ZNF484: variants seen among roughly 807,000 people sequenced by gnomAD.
The protein encoded by ZNF484 is zinc finger protein 484.
ZNF484 carries 11 observed loss-of-function variants against 12.9 expected under a neutral mutation model. The ratio of observed to expected loss-of-function variants is 0.85; its 90% CI spans 0.54 to 1.41. The LOEUF (loss-of-function observed/expected upper bound fraction) is 1.41. ZNF484 is among the 40% of genes most tolerant of loss of function. The pLI is 0.00. For missense variants in ZNF484, 807 were observed against 1,007.7 expected (o/e 0.80, Z 2.70); for synonymous variants, 289 against 334.1 (o/e 0.86, Z 1.47).
At chr9:92,870,395 T>C (rs1857360017) in intron 2 of ZNF484, among the ~76,000 whole-genome samples, 1 of 152,184 alleles carries the variant, frequency 6.6e-6, no homozygotes, top group African/African-American at 2.4e-5. Context: ...CCACAGATTA[T>C]AAAACAACAA....
At chr9:92,865,169 G>T (rs1310778821) in intron 2 of ZNF484, among the ~76,000 whole-genome samples, 1 of 152,252 alleles carries the variant, frequency 6.6e-6, no homozygotes, top group East Asian at 1.9e-4. Flanking sequence ...GCTGGGTGCA[G>T]TGGCACATGC....
intron 1 of ZNF484, 62 bp from the exon 2 acceptor site, chr9:92,875,121 G>A (rs1857717481): frequency 2.0e-6 from 3 of 1,467,010 alleles, no homozygotes; most frequent in Admixed American, 1.9e-5. Flanking sequence ...GTCACACATG[G>A]ACACATACAT....
intron 2 of ZNF484, among the ~76,000 whole-genome samples, chr9:92,873,664 T>C (rs1315842436): frequency 6.6e-6 from 1 of 152,214 alleles, no homozygotes; most frequent in Non-Finnish European, 1.5e-5. Context: ...CTTCCCAGTT[T>C]ATTGTGTGAG....
At chr9:92,852,676 A>T (rs1856177482) in intron 4 of ZNF484, among the ~76,000 whole-genome samples, 1 of 151,542 alleles carries the variant, frequency 6.6e-6, no homozygotes, top group African/African-American at 2.4e-5. Context: ...AGCTGGGATT[A>T]CAGGCCCCTG....
chr9:92,862,750 T>C (rs763141955), intron 2 of ZNF484, among the ~76,000 whole-genome samples: 1 of 152,280 alleles, frequency 6.6e-6, no homozygotes, highest in South Asian at 2.1e-4. Flanking sequence ...ATTAGATTTA[T>C]GTTTACAACT....
chr9:92,877,782 T>C (rs1342323326), intron 1 of ZNF484, 108 bp downstream of exon 1: 2 of 1,535,486 alleles, frequency 1.3e-6, no homozygotes, highest in Admixed American at 2.0e-5. Context: ...TCGCTCCGAC[T>C]TCCACTATTC....
At chr9:92,865,401 T>C (rs552244088) in intron 2 of ZNF484, among the ~76,000 whole-genome samples, 45 of 152,322 alleles carry the variant, frequency 3.0e-4, no homozygotes, top group African/African-American at 1.1e-3. Flanking sequence ...AATGAAATTC[T>C]GAAAAACTGT....
intron 2 of ZNF484, among the ~76,000 whole-genome samples, chr9:92,864,815 A>G (rs748080890): frequency 3.3e-5 from 5 of 152,228 alleles, no homozygotes; most frequent in Non-Finnish European, 7.3e-5. Context: ...AGAGATTTTA[A>G]CCAGATTACA....
rs180852406 is a variant in ZNF484, at chr9:92,847,205, C to T, written c.1582G>A (p.Asp528Asn). 7.6e-5 allele frequency: 122 copies of T among 1,613,940 alleles called. No individual in the cohort carries two copies. Among genetic ancestry groups the T allele is most frequent in the East Asian group, 1.8e-4 (8 of 44,872 alleles). ...HTGEKPYKCS[D>N]CGKSFTWKSR... ...TTCCAGGTGAATGATTTTCCACAGT[C>T]GCTGCATTTATAAGGTTTCTCTCCA... Residue 528 changes from aspartate to asparagine, a missense_variant, in exon 5 of 5, where the codon GAC becomes AAC. Asp to Asn is a conservative substitution (Grantham distance 23, BLOSUM62 1). Transcript: ENST00000375495.
rs1386703900 is a variant in ZNF484, at chr9:92,844,778, A to T, written c.*1450T>A. 6.6e-6 allele frequency among the ~76,000 whole-genome samples: 1 copy of T among 152,218 alleles called. No homozygotes were observed. Among genetic ancestry groups the T allele is most frequent in the African/African-American group, 2.4e-5 (1 of 41,456 alleles). ...AATTTGTCACCACCAAACTCACAGT[A>T]AAAGAAATACTAAAGGGTGTTCCTC... On this transcript the variant is annotated 3_prime_UTR_variant, in exon 5 of 5. Coordinates refer to ENST00000375495, the MANE Select transcript of ZNF484 (RefSeq NM_031486.4).
rs1293243938 is a variant in ZNF484, at chr9:92,846,529, C to T, written c.2258G>A (p.Cys753Tyr). 2 of 1,614,042 alleles carry T rather than the reference C, an allele frequency of 1.2e-6. No individual in the cohort carries two copies. The highest frequency in any genetic ancestry group is 1.7e-6 in the Non-Finnish European group (2 of 1,180,002). ...TGATTTCTTAATGAAAGACTTGCCA[C>T]AGTCACTGCATTCATAGGGTTTCTC... ...TGEKPYECSD[C>Y]GKSFIKKSQL... Residue 753 changes from cysteine (C) to tyrosine (Y), a missense_variant, in exon 5 of 5, where the codon TGT becomes TAT. Transcript: ENST00000375495.
intron 2 of ZNF484, chr9:92,862,140 C>T (rs1449099761): frequency 3.1e-6 from 3 of 973,114 alleles, no homozygotes; most frequent in Admixed American, 1.2e-4. Context: ...GAGGAATTAC[C>T]TGCCATTGGT....
chr9:92,858,681 G>A (rs1856606438), intron 2 of ZNF484, among the ~76,000 whole-genome samples: 3 of 152,006 alleles, frequency 2.0e-5, no homozygotes, highest in Non-Finnish European at 1.5e-5. Context: ...CATTATTAAG[G>A]AGATAAAATA....
intron 2 of ZNF484, among the ~76,000 whole-genome samples, chr9:92,874,132 G>A (rs375200190): frequency 6.6e-6 from 1 of 152,162 alleles, no homozygotes; most frequent in Admixed American, 6.5e-5. Context: ...GTTTCAGAAG[G>A]TGGTCCTTGG....
At chr9:92,874,316 T>C (rs1857651954) in intron 2 of ZNF484, among the ~76,000 whole-genome samples, 1 of 146,992 alleles carries the variant, frequency 6.8e-6, no homozygotes, top group Non-Finnish European at 1.5e-5. Context: ...CTTTCTTTTT[T>C]TTTTTTTTTT....
chr9:92,876,534 A>G (rs1196219332), intron 1 of ZNF484, among the ~76,000 whole-genome samples: 1 of 152,232 alleles, frequency 6.6e-6, no homozygotes, highest in African/African-American at 2.4e-5. Context: ...TCCAAATGCA[A>G]TGAAAGTAAA....
chr9:92,846,676 T>A lies in ZNF484; in HGVS notation c.2111A>T (p.Lys704Ile). ...CSECGKAFAR[K>I]STLIMHQRIH... is the part of the protein sequence containing the mutation. ...TCTCTGATGCATAATTAGTGTTGAT[T>A]TTCTTGCAAAGGCTTTCCCACATTC... is the stretch of plus-strand genomic sequence containing the variant. The change falls in exon 5 of 5, where the codon AAA (lysine) becomes ATA (isoleucine). Residue 704 changes from lysine to isoleucine, a missense_variant. Transcript: ENST00000375495. 6.2e-7 allele frequency: 1 copy of A among 1,614,064 alleles called. No individual in the cohort carries two copies. The highest frequency in any genetic ancestry group is 2.2e-5 in the East Asian group (1 of 44,880).
chr9:92,871,465 G>A (rs927311861), intron 2 of ZNF484, among the ~76,000 whole-genome samples: 2 of 152,096 alleles, frequency 1.3e-5, no homozygotes, highest in African/African-American at 2.4e-5. Context: ...TGTGTCATTG[G>A]AGTTCCAGAA....
At chr9:92,864,526 T>A (rs1194205507) in intron 2 of ZNF484, among the ~76,000 whole-genome samples, 2 of 152,220 alleles carry the variant, frequency 1.3e-5, no homozygotes, top group African/African-American at 4.8e-5. Context: ...CTTTTGTGTT[T>A]AAGCCCGTAA....
Sources: gnomAD v4.1 joint callset for allele counts (sites outside exome capture counted in the v4.1 genomes callset) on GRCh38, gnomAD v4.1.1 for gene constraint, MANE v1.5 for transcripts, NCBI Gene and HGNC (gene_info 2026-07-23, HGNC 2026-07-21) for gene names.